CNTN4: variants seen among roughly 807,000 people sequenced by gnomAD.
CNTN4 encodes contactin 4.
A neutral mutation model predicts 122.5 loss-of-function variants in CNTN4; 77 were observed. That is an observed-to-expected ratio of 0.63 (90% CI 0.52 to 0.76). CNTN4 has a LOEUF of 0.76. CNTN4 is among the 30% of genes least tolerant of loss of function. CNTN4 has a pLI of 0.00. For synonymous variants in CNTN4, 512 were observed against 447.0 expected, an observed-to-expected ratio of 1.15 and a Z score of -1.83; for missense variants, 1,256 against 1,259.1, an observed-to-expected ratio of 1.00 and a Z score of 0.04.
intron 2 of CNTN4, among the ~76,000 whole-genome samples, chr3:2,125,923 G>GTGTGTGTA (rs1224674544): frequency 6.6e-6 from 1 of 150,690 alleles, no homozygotes; most frequent in Non-Finnish European, 1.5e-5. Context: ...GTGTGTGTGT[G>GTGTGTGTA]TGTGTATGTG....
intron 6 of CNTN4, among the ~76,000 whole-genome samples, chr3:2,750,419 A>T (rs1156601665): frequency 6.6e-6 from 1 of 152,244 alleles, no homozygotes. Context: ...TAGCATTTTT[A>T]AGTTGAATTA....
intron 6 of CNTN4, among the ~76,000 whole-genome samples, chr3:2,780,665 G>A (rs1388314105): frequency 6.6e-6 from 1 of 152,042 alleles, no homozygotes; most frequent in African/African-American, 2.4e-5. Flanking sequence ...TCTAACTTTT[G>A]TTTCTGACCC....
At chr3:2,548,868 G>C (rs542063403) in intron 3 of CNTN4, among the ~76,000 whole-genome samples, 1 of 152,204 alleles carries the variant, frequency 6.6e-6, no homozygotes, top group Admixed American at 6.5e-5. Flanking sequence ...GCGGTTTGTA[G>C]TTCTCCTTGA....
chr3:2,717,519 T>C (rs2087570755), intron 4 of CNTN4, among the ~76,000 whole-genome samples: 1 of 152,240 alleles, frequency 6.6e-6, no homozygotes, highest in Admixed American at 6.5e-5. Context: ...CTCCATGTGT[T>C]TCTTCCCTTT....
intron 4 of CNTN4, among the ~76,000 whole-genome samples, chr3:2,688,074 C>T (rs527550669): frequency 6.6e-6 from 1 of 151,980 alleles, no homozygotes; most frequent in South Asian, 2.1e-4. Context: ...AAAACAACAA[C>T]AACAAAAGAT....
intron 4 of CNTN4, among the ~76,000 whole-genome samples, chr3:2,576,780 T>A (rs1330653775): frequency 6.6e-6 from 1 of 152,148 alleles, no homozygotes; most frequent in African/African-American, 2.4e-5. Context: ...ACTCTTAACC[T>A]CAAATGATCC....
intron 7 of CNTN4, among the ~76,000 whole-genome samples, chr3:2,853,398 C>A (rs1054950306): frequency 6.6e-5 from 10 of 152,178 alleles, no homozygotes; most frequent in African/African-American, 2.4e-4. Context: ...GTGCCCACGA[C>A]CACGCCCAGC....
At chr3:2,302,673 A>T (rs2042566611) in intron 2 of CNTN4, among the ~76,000 whole-genome samples, 1 of 152,164 alleles carries the variant, frequency 6.6e-6, no homozygotes, top group Non-Finnish European at 1.5e-5. Flanking sequence ...ACCTCCAACT[A>T]TTTTATCATT....
intron 2 of CNTN4, among the ~76,000 whole-genome samples, chr3:2,170,760 T>A (rs909132766): frequency 6.6e-6 from 1 of 152,118 alleles, no homozygotes; most frequent in African/African-American, 2.4e-5. Context: ...CAAAATATTT[T>A]AAAATGTACT....
intron 13 of CNTN4, among the ~76,000 whole-genome samples, chr3:2,953,910 C>A (rs1372222146): frequency 6.6e-6 from 1 of 152,122 alleles, no homozygotes; most frequent in Non-Finnish European, 1.5e-5. Context: ...TGCCAAGTAC[C>A]ATGCTAAGAA....
At chr3:2,752,096 C>G (rs2090122522) in intron 6 of CNTN4, among the ~76,000 whole-genome samples, 2 of 151,632 alleles carry the variant, frequency 1.3e-5, no homozygotes, top group South Asian at 4.1e-4. Context: ...GTTTTTTTGT[C>G]TGTTCTCTCT....
intron 2 of CNTN4, among the ~76,000 whole-genome samples, chr3:2,206,839 C>T (rs1349619069): frequency 6.7e-6 from 1 of 149,068 alleles, no homozygotes; most frequent in Non-Finnish European, 1.5e-5. Context: ...GATACCTCAT[C>T]CGATTGCAGT....
chr3:2,136,742 C>T (rs1364953484), intron 2 of CNTN4, among the ~76,000 whole-genome samples: 2 of 150,676 alleles, frequency 1.3e-5, no homozygotes, highest in African/African-American at 4.9e-5. Flanking sequence ...TAAATAGGGA[C>T]AACACAGTTT....
chr3:2,852,024 G>A (rs560537163), intron 7 of CNTN4, among the ~76,000 whole-genome samples: 1 of 152,204 alleles, frequency 6.6e-6, no homozygotes, highest in South Asian at 2.1e-4. Flanking sequence ...TACAGCATTT[G>A]TTTATTACCA....
intron 3 of CNTN4, among the ~76,000 whole-genome samples, chr3:2,513,638 C>G (rs967204609): frequency 1.3e-5 from 2 of 152,120 alleles, no homozygotes; most frequent in Non-Finnish European, 2.9e-5. Flanking sequence ...TTATACCTTA[C>G]AATATTAAAC....
At chr3:2,843,443 C>G (rs185779727) in intron 7 of CNTN4, among the ~76,000 whole-genome samples, 4 of 152,118 alleles carry the variant, frequency 2.6e-5, no homozygotes, top group Non-Finnish European at 5.9e-5. Context: ...GTTTCTCCAG[C>G]CTTTTGTTAC....
At chr3:2,224,006 A>G (rs1281183129) in intron 2 of CNTN4, among the ~76,000 whole-genome samples, 1 of 152,164 alleles carries the variant, frequency 6.6e-6, no homozygotes, top group Non-Finnish European at 1.5e-5. Flanking sequence ...TGAGGTGAAT[A>G]CAGGATATCT....
At chr3:2,411,029 A>G (rs1276387980) in intron 3 of CNTN4, among the ~76,000 whole-genome samples, 2 of 152,206 alleles carry the variant, frequency 1.3e-5, no homozygotes, top group African/African-American at 4.8e-5. Flanking sequence ...TGTACTTTAC[A>G]TATAAAAAGA....
intron 4 of CNTN4, among the ~76,000 whole-genome samples, chr3:2,600,298 A>G (rs1393335549): frequency 6.6e-6 from 1 of 151,776 alleles, no homozygotes; most frequent in Non-Finnish European, 1.5e-5. Context: ...TGTGTGCTGC[A>G]CCCATTAACT....
Sources: gnomAD v4.1 joint callset for allele counts (sites outside exome capture counted in the v4.1 genomes callset) on GRCh38, gnomAD v4.1.1 for gene constraint, MANE v1.5 for transcripts, NCBI Gene and HGNC (gene_info 2026-07-23, HGNC 2026-07-21) for gene names.